AHCTF1: variants seen among roughly 807,000 people sequenced by gnomAD.
AHCTF1 encodes protein ELYS.
Under a neutral mutation model 248.4 loss-of-function variants are expected in AHCTF1, and 24 were observed. The ratio of observed to expected loss-of-function variants is 0.10; its 90% CI spans 0.07 to 0.14. The LOEUF is 0.14. AHCTF1 is among the 10% of genes least tolerant of loss of function. The pLI, the probability that AHCTF1 is intolerant of heterozygous loss-of-function variation, is 1.00. For missense variants in AHCTF1, 2,206 were observed against 2,636.2 expected (o/e 0.84, Z 3.57); for synonymous variants, 786 against 929.8 (o/e 0.85, Z 2.81).
At chr1:246,861,571 C>T (rs1302152604) in intron 28 of AHCTF1, among the ~76,000 whole-genome samples, 6 of 152,276 alleles carry the variant, frequency 3.9e-5, no homozygotes, top group Admixed American at 3.3e-4. Flanking sequence ...TTCCTATTAA[C>T]CTACAGTGGA....
chr1:246,862,039 G>A lies in AHCTF1; in HGVS notation c.3655C>T (p.Pro1219Ser), dbSNP rs139736452. Residue 1219 changes from proline to serine, a missense_variant, in exon 28 of 36, where the codon CCT becomes TCT. Physicochemically the swap from Pro to Ser is moderately conservative, Grantham distance 74. Coordinates refer to ENST00000648844, the MANE Select transcript of AHCTF1 (RefSeq NM_001323342.2). ...TTAAGTCGTTGAGGAGACCTTCCAGGTGATGGAGAGGGAGATGCTAAAGGT... is the reference window on the plus strand; with the variant it reads ...TTAAGTCGTTGAGGAGACCTTCCAGATGATGGAGAGGGAGATGCTAAAGGT... ...STPLASPSPS[P>S]GRSPQRLKET... 9.6e-4 allele frequency: 1,541 copies of A among 1,612,820 alleles called. 1 individual carries two copies. The highest frequency in any genetic ancestry group is 1.2e-3 in the Non-Finnish European group (1,415 of 1,178,830).
chr1:246,853,353 C>T lies in AHCTF1; in HGVS notation c.4355-54G>A, dbSNP rs888624928. ...ATTTAAACTGAAAAATAAATCCACA[C>T]ACAAGGAAGCAAACAGAAAGGAAAA... is the stretch of plus-strand genomic sequence containing the variant. On this transcript the variant is annotated intron_variant, in intron 31 of 35. Coordinates refer to ENST00000648844, the MANE Select transcript of AHCTF1 (RefSeq NM_001323342.2). The T allele has an allele frequency of 9.1e-6, 13 of 1,422,804 alleles. No individual in the cohort carries two copies. The Admixed American group carries it at 1.4e-4, about 16-fold the overall frequency. 88.1% of individuals were successfully genotyped at this position (1,422,804 alleles called of 1,614,324 possible).
intron 2 of AHCTF1, among the ~76,000 whole-genome samples, chr1:246,916,720 T>C (rs1666175113): frequency 6.6e-6 from 1 of 152,176 alleles, no homozygotes; most frequent in Non-Finnish European, 1.5e-5. Flanking sequence ...TGTTATCTCA[T>C]TTATTCCTTA....
At chr1:246,915,217 C>G (rs1666061251) in intron 3 of AHCTF1, among the ~76,000 whole-genome samples, 1 of 152,144 alleles carries the variant, frequency 6.6e-6, no homozygotes, top group Non-Finnish European at 1.5e-5. Flanking sequence ...GTAGTCCCAG[C>G]TACTCAGGAG....
At chr1:246,878,087 A>G (rs1558240854) in intron 21 of AHCTF1, among the ~76,000 whole-genome samples, 2 of 152,040 alleles carry the variant, frequency 1.3e-5, no homozygotes, top group Non-Finnish European at 2.9e-5. Context: ...AAAAATTGCA[A>G]AAGATTAAGT....
intron 33 of AHCTF1, among the ~76,000 whole-genome samples, chr1:246,844,138 C>T (rs904269385): frequency 4.6e-5 from 7 of 152,066 alleles, no homozygotes; most frequent in Non-Finnish European, 7.4e-5. Context: ...ATGTGTAGGA[C>T]GATTGAATGC....
At chr1:246,854,160 G>A (rs1660928165) in intron 31 of AHCTF1, among the ~76,000 whole-genome samples, 1 of 151,986 alleles carries the variant, frequency 6.6e-6, no homozygotes, top group African/African-American at 2.4e-5. Context: ...TTAGCCAGGC[G>A]TGGTGGCGGG....
chr1:246,909,618 T>C (rs1233261975), intron 4 of AHCTF1, among the ~76,000 whole-genome samples: 4 of 151,932 alleles, frequency 2.6e-5, no homozygotes, highest in Non-Finnish European at 4.4e-5. Context: ...AGCACAAGAG[T>C]GGTCATGCTG....
intron 4 of AHCTF1, among the ~76,000 whole-genome samples, chr1:246,911,274 T>C (rs541196599): frequency 2.0e-4 from 30 of 152,158 alleles, no homozygotes; most frequent in Non-Finnish European, 3.7e-4. Flanking sequence ...AAATACACTA[T>C]GAAACAAAAG....
intron 21 of AHCTF1, among the ~76,000 whole-genome samples, chr1:246,878,730 C>T (rs1663174645): frequency 6.6e-6 from 1 of 152,140 alleles, no homozygotes; most frequent in South Asian, 2.1e-4. Context: ...CTTGGGGAAG[C>T]AAATGGTACC....
chr1:246,892,301 C>CTTTTTTTTTT lies in AHCTF1; in HGVS notation c.1805-392_1805-383dup, dbSNP rs74163502. ...TTAAATCAAATTCTAATTTGTTTTA[C>CTTTTTTTTTT]TTTTTTTTTTTTTTTTTTTTTTTTT... is the stretch of plus-strand genomic sequence containing the variant. On this transcript the variant is annotated intron_variant, in intron 14 of 35. Transcript: ENST00000648844. Among the ~76,000 whole-genome samples the CTTTTTTTTTT allele has an allele frequency of 2.0e-4, 13 of 64,976 alleles. 1 individual carries two copies. Among genetic ancestry groups the CTTTTTTTTTT allele is most frequent in the East Asian group, 5.4e-4 (1 of 1,836 alleles). The allele number at this position is 64,976 out of a possible 152,430, so 42.6% of individuals were successfully genotyped here. A position where few individuals can be genotyped will look rare whatever the true frequency, so the allele number is the denominator to read the frequency against.
intron 21 of AHCTF1, among the ~76,000 whole-genome samples, chr1:246,880,253 C>A (rs1237445708): frequency 6.6e-6 from 1 of 150,838 alleles, no homozygotes; most frequent in Non-Finnish European, 1.5e-5. Flanking sequence ...ATATAATAGG[C>A]ATTATATATT....
In AHCTF1 at chr1:246,885,650, T is replaced by C. The variant is rs1663762689; in HGVS notation, c.2503A>G (p.Thr835Ala). The C allele has an allele frequency of 1.9e-6, 3 of 1,612,142 alleles. No homozygotes were observed. Among genetic ancestry groups the C allele is most frequent in the Non-Finnish European group, 1.7e-6 (2 of 1,178,904 alleles). The stretch of plus-strand genomic sequence containing the variant: ...TGTTGCCATGACAAAGGTTTTGCAG[T>C]AGCTGGATGAAACAAAAGATCCAAA... ...SGLDLLFHPA[T>A]AKPLSWQHSK... The change falls in exon 21 of 36, where the codon ACT (threonine) becomes GCT (alanine). Residue 835 changes from threonine to alanine, a missense_variant. Coordinates refer to ENST00000648844, the MANE Select transcript of AHCTF1 (RefSeq NM_001323342.2).
chr1:246,904,561 G>A (rs1333874766), intron 6 of AHCTF1, among the ~76,000 whole-genome samples: 2 of 152,124 alleles, frequency 1.3e-5, no homozygotes, highest in African/African-American at 4.8e-5. Context: ...AGGACAATGG[G>A]GAGTATGGGA....
chr1:246,867,174 A>G, intron 26 of AHCTF1, 70 bp downstream of exon 26: 1 of 760,048 alleles, frequency 1.3e-6, no homozygotes, highest in Non-Finnish European at 2.1e-6. Context: ...AATGTTAAAG[A>G]TAATTAAAAA....
chr1:246,899,145 T>C (rs914040325), intron 11 of AHCTF1, among the ~76,000 whole-genome samples: 2 of 152,156 alleles, frequency 1.3e-5, no homozygotes, highest in Non-Finnish European at 2.9e-5. Context: ...CCAGGCACTA[T>C]ACCACTGTGC....
At chr1:246,921,357 G>A (rs1261752754) in intron 1 of AHCTF1, among the ~76,000 whole-genome samples, 2 of 151,980 alleles carry the variant, frequency 1.3e-5, no homozygotes, top group Non-Finnish European at 2.9e-5. Flanking sequence ...GGTATTCACT[G>A]CACCGTGATC....
intron 7 of AHCTF1, 71 bp downstream of exon 7, chr1:246,903,878 A>G: frequency 8.2e-7 from 1 of 1,222,014 alleles, no homozygotes; most frequent in Non-Finnish European, 1.2e-6. Flanking sequence ...ATATCTTAAA[A>G]CAAAGACAAC....
intron 3 of AHCTF1, among the ~76,000 whole-genome samples, chr1:246,915,143 A>C (rs1385494321): frequency 1.3e-5 from 2 of 152,124 alleles, no homozygotes; most frequent in Non-Finnish European, 2.9e-5. Context: ...CAGCCTGGCC[A>C]ACAGGGTGAA....
Sources: gnomAD v4.1 joint callset for allele counts (sites outside exome capture counted in the v4.1 genomes callset) on GRCh38, gnomAD v4.1.1 for gene constraint, MANE v1.5 for transcripts, NCBI Gene and HGNC (gene_info 2026-07-23, HGNC 2026-07-21) for gene names.